Variants in MIDEAS observed in about 807,000 individuals in gnomAD.
MIDEAS encodes the protein mitotic deacetylase-associated SANT domain protein.
In MIDEAS, 26 loss-of-function variants were observed where a neutral mutation model predicts 102.7. The observed-to-expected ratio is 0.25, with a 90% confidence interval of 0.19 to 0.35. MIDEAS has a LOEUF of 0.35. MIDEAS is among the 10% of genes least tolerant of loss of function. The pLI is 1.00. For missense variants in MIDEAS, 1,231 were observed against 1,435.6 expected (o/e 0.86, Z 2.30); for synonymous variants, 585 against 591.0 (o/e 0.99, Z 0.15).
At position 73,722,741 on chromosome 14, in the gene MIDEAS, C is replaced by T. The variant is rs2140097222; in HGVS notation, c.2681G>A (p.Ser894Asn). ...GTLTFGDVDT[S>N]DEKSAQEEVE... is the part of the protein sequence containing the mutation. ...CTCTTCCTGGGCCGACTTCTCATCG[C>T]TCGTATCCACATCCCCAAAGGTTAG... The change falls in exon 10 of 13, where the codon AGC becomes AAC. Residue 894 changes from serine to asparagine, a missense_variant. Transcript: ENST00000423556. The T allele has an allele frequency of 6.2e-7, 1 of 1,614,184 alleles. No individual in the cohort carries two copies. The highest frequency in any genetic ancestry group is 8.5e-7 in the Non-Finnish European group (1 of 1,180,022).
At chr14:73,762,546 G>A (rs540367654), upstream of MIDEAS, among the ~76,000 whole-genome samples, 2 of 152,330 alleles carry the variant, frequency 1.3e-5, no homozygotes, top group African/African-American at 4.8e-5. Context: ...CCCTTGGCAG[G>A]AGAAGTCTAC....
intron 1 of MIDEAS, among the ~76,000 whole-genome samples, chr14:73,782,506 T>A (rs1440535230): frequency 2.6e-5 from 4 of 152,186 alleles, no homozygotes; most frequent in African/African-American, 7.2e-5. Context: ...TTTTTGCATT[T>A]TTTTACAGAG....
At position 73,774,783 on chromosome 14, in the gene MIDEAS, T is replaced by A. The variant is rs1195045357; in HGVS notation, c.-248+12319A>T. ...CAAGCACTAAGGGAGGCTGGGGATG[T>A]CATGCAGACAGCCAGCTCACCAAGC... On this transcript the variant is annotated intron_variant, in intron 1 of 11. Transcript: ENST00000394071. Among the ~76,000 whole-genome samples, 6 of 151,932 alleles carry A rather than the reference T, an allele frequency of 3.9e-5. 1 individual carries two copies. The highest frequency in any genetic ancestry group is 8.8e-5 in the Non-Finnish European group (6 of 67,960).
upstream of MIDEAS, among the ~76,000 whole-genome samples, chr14:73,761,055 T>A (rs2053550053): frequency 6.6e-6 from 1 of 152,156 alleles, no homozygotes; most frequent in South Asian, 2.1e-4. Flanking sequence ...TGTCCTATTC[T>A]TCCTTCCAAG....
rs1423125374 is a variant in MIDEAS at position 73,787,182 on chromosome 14, T to A, written c.-328A>T. Reference sequence around the variant, plus strand: ...CCCGCAGACTCTAACTTTGTTGCTCTCGGGACGGCGCAGTCGTCACTTCCT... The same window carrying A: ...CCCGCAGACTCTAACTTTGTTGCTCACGGGACGGCGCAGTCGTCACTTCCT... On this transcript the variant is annotated 5_prime_UTR_variant, in exon 1 of 12. Coordinates refer to the MIDEAS transcript ENST00000394071. The A allele has an allele frequency of 2.0e-5, 3 of 149,252 alleles. No individual in the cohort carries two copies. The East Asian group carries it at 5.9e-4, about 30-fold the overall frequency. The allele number at this position is 149,252 out of a possible 1,614,324, so 9.2% of individuals were successfully genotyped here. A position where few individuals can be genotyped will look rare whatever the true frequency, so the allele number is the denominator to read the frequency against.
At chr14:73,724,282 G>C (rs904845937) in intron 9 of MIDEAS, 4 of 152,254 alleles carry the variant, frequency 2.6e-5, no homozygotes, top group African/African-American at 9.6e-5. Flanking sequence ...CTCCTGTCCA[G>C]AGAGGCCAGG....
Position 73,725,426 on chromosome 14 carries a change from G to C in MIDEAS, c.2486-66C>G. 2.2e-6 allele frequency: 3 copies of C among 1,375,982 alleles called. No individual in the cohort carries two copies. Among genetic ancestry groups the C allele is most frequent in the Non-Finnish European group, 3.1e-6 (3 of 967,976 alleles). 85.2% of individuals were successfully genotyped at this position (1,375,982 alleles called of 1,614,324 possible). On this transcript the variant is annotated intron_variant, in intron 8 of 12. Coordinates refer to ENST00000423556, the MANE Select transcript of MIDEAS (RefSeq NM_001367710.1). This position sits in a 1 kb window ranked among gnomAD's most constrained non-coding sequence, Gnocchi z 4.1. Reference sequence around the variant, plus strand: ...GCCCTGGCCACTGCAGGGCAATTTTGACAAGCAAAAAAGTGTGAGGCCATC... The same window carrying C: ...GCCCTGGCCACTGCAGGGCAATTTTCACAAGCAAAAAAGTGTGAGGCCATC...
At chr14:73,741,721 A>G (rs1595271460) in intron 1 of MIDEAS, among the ~76,000 whole-genome samples, 2 of 152,050 alleles carry the variant, frequency 1.3e-5, no homozygotes, top group East Asian at 3.9e-4. Flanking sequence ...TGCGTGACTC[A>G]CTGAGGGCCC....
At chr14:73,734,684 G>T (rs1305470809) in intron 3 of MIDEAS, among the ~76,000 whole-genome samples, 1 of 151,934 alleles carries the variant, frequency 6.6e-6, no homozygotes, top group Non-Finnish European at 1.5e-5. Context: ...TCCTGCCTTG[G>T]CCCCCCCAAA....
chr14:73,719,527 T>A, intron 11 of MIDEAS, 26 bp from the exon 12 acceptor site: 2 of 1,605,506 alleles, frequency 1.2e-6, no homozygotes, highest in Non-Finnish European at 1.7e-6. Flanking sequence ...CAAGGAGAGT[T>A]GAGTGATCTG....
At position 73,718,562 on chromosome 14, in the gene MIDEAS, AGTCCCTCCCGAGGGGACCGG is replaced by A. The variant is rs926400390; in HGVS notation, c.*261_*280del. 2.3e-5 allele frequency: 7 copies of A among 303,850 alleles called. No homozygotes were observed. The highest frequency in any genetic ancestry group is 8.7e-5 in the African/African-American group (4 of 46,060). 18.8% of individuals were successfully genotyped at this position (303,850 alleles called of 1,614,324 possible). ...GAAATCGGAGTGTGAGAGGCGGTGG[AGTCCCTCCCGAGGGGACCGG>A]GACTCTCCCGGTCCAGGAAAGCACG... On this transcript the variant is annotated 3_prime_UTR_variant, in exon 13 of 13. Transcript: ENST00000423556.
At chr14:73,753,466 A>G (rs577404479) in intron 1 of MIDEAS, among the ~76,000 whole-genome samples, 1 of 152,280 alleles carries the variant, frequency 6.6e-6, no homozygotes, top group East Asian at 1.9e-4. Flanking sequence ...GGGGTTCCCT[A>G]TTGGTGAATG....
intron 1 of MIDEAS, among the ~76,000 whole-genome samples, chr14:73,758,990 G>A (rs2053521769): frequency 6.6e-6 from 1 of 152,220 alleles, no homozygotes; most frequent in South Asian, 2.1e-4. Flanking sequence ...CGAATCCCGG[G>A]TTTCGGCGCT....
chr14:73,726,027 G>A lies in MIDEAS; in HGVS notation c.2485+6C>T, dbSNP rs767395351. The A allele has an allele frequency of 4.4e-6, 7 of 1,587,540 alleles. No homozygotes were observed. In the Admixed American group the frequency reaches 1.1e-4, roughly 25 times the overall value. ...CAGGCACCATGCCCACCGCAGCCAG[G>A]CCCACCTGTGTAGTGATAAGTTGCC... is the stretch of plus-strand genomic sequence containing the variant. On this transcript the variant is annotated splice_donor_region_variant and intron_variant, in intron 8 of 12. Transcript: ENST00000423556.
chr14:73,773,622 T>C (rs74062532), intron 1 of MIDEAS, among the ~76,000 whole-genome samples: 2,438 of 152,072 alleles, frequency 0.016, 72 homozygotes, highest in African/African-American at 0.056. Context: ...TCTAGAAACA[T>C]ACTCTGCAAA....
rs758322673 is a variant in MIDEAS at position 73,722,715 on chromosome 14, C to G, written c.2707G>C (p.Val903Leu). The G allele has an allele frequency of 4.3e-6, 7 of 1,614,004 alleles. No homozygotes were observed. In the South Asian group the frequency reaches 7.7e-5, roughly 18 times the overall value. The change falls in exon 10 of 13, where the codon GTT (valine) becomes CTT (leucine). Residue 903 changes from valine (V) to leucine (L), a missense_variant. Val to Leu is a conservative substitution (Grantham distance 32, BLOSUM62 1). This residue lies in a region of MIDEAS where 391 missense variants were observed against 483.0 expected (regional missense o/e 0.81). Coordinates refer to ENST00000423556, the MANE Select transcript of MIDEAS (RefSeq NM_001367710.1). ...TSDEKSAQEE[V>L]EVDIKTSQKF... is the part of the protein sequence containing the mutation. ...GGAGTCACCTTAATATCCACTTCAA[C>G]CTCTTCCTGGGCCGACTTCTCATCG...
chr14:73,775,377 A>G (rs1044784844), intron 1 of MIDEAS, among the ~76,000 whole-genome samples: 3 of 152,046 alleles, frequency 2.0e-5, no homozygotes, highest in Non-Finnish European at 4.4e-5. Flanking sequence ...GTTCTTCAAG[A>G]CTTCTTTTCC....
At chr14:73,745,653 A>G (rs138536640) in intron 1 of MIDEAS, among the ~76,000 whole-genome samples, 223 of 152,298 alleles carry the variant, frequency 1.5e-3, no homozygotes, top group African/African-American at 4.9e-3. Flanking sequence ...AGAGTTGCCC[A>G]GGCCCTAGAC....
At chr14:73,771,186 G>A (rs968092320) in intron 1 of MIDEAS, among the ~76,000 whole-genome samples, 1 of 152,160 alleles carries the variant, frequency 6.6e-6, no homozygotes, top group African/African-American at 2.4e-5. Flanking sequence ...CACACCTCCA[G>A]CCACAAGGTC....
Sources: allele counts gnomAD v4.1 joint callset (sites outside exome capture counted in the v4.1 genomes callset), GRCh38; gene constraint gnomAD v4.1.1; regional missense constraint gnomAD v4.1.1; non-coding constraint Gnocchi (gnomAD v3.1); transcripts MANE v1.5; gene names NCBI Gene and HGNC (gene_info 2026-07-23, HGNC 2026-07-21).